The following ROBO2 variants were observed in gnomAD, a reference collection of about 807,000 sequenced individuals.
ROBO2 encodes the protein roundabout homolog 2.
ROBO2 carries 53 observed loss-of-function variants against 160.8 expected under a neutral mutation model. That is an observed-to-expected ratio of 0.33 (90% CI 0.26 to 0.41). The LOEUF (loss-of-function observed/expected upper bound fraction) is 0.41, where lower values mean the gene tolerates loss of function less well. Among genes scored for constraint, ROBO2 ranks in the 10% least tolerant of loss-of-function variants. The pLI is 1.00. For missense variants in ROBO2, 1,577 were observed against 1,722.4 expected, an observed-to-expected ratio of 0.92 and a Z score of 1.49; for synonymous variants, 664 against 611.7, an observed-to-expected ratio of 1.09 and a Z score of -1.26.
chr3:77,275,060 T>A (rs2059742297), intron 2 of ROBO2, among the ~76,000 whole-genome samples: 1 of 152,140 alleles, frequency 6.6e-6, no homozygotes, highest in Admixed American at 6.6e-5. Context: ...GAGAAATAAC[T>A]GCATCATTTG....
chr3:76,627,383 C>A (rs1282303396), intron 2 of ROBO2, among the ~76,000 whole-genome samples: 1 of 152,120 alleles, frequency 6.6e-6, no homozygotes, highest in Admixed American at 6.5e-5. Context: ...GCCAGAGAAT[C>A]CCGCATATTC....
intron 2 of ROBO2, among the ~76,000 whole-genome samples, chr3:76,732,209 GTGTT>G (rs1258745231): frequency 5.9e-5 from 9 of 152,102 alleles, no homozygotes; most frequent in Admixed American, 1.3e-4. Flanking sequence ...GTAAAGGAGA[GTGTT>G]TGGTAGAAAA....
At chr3:76,432,950 C>T (rs2076503945) in intron 2 of ROBO2, among the ~76,000 whole-genome samples, 2 of 151,986 alleles carry the variant, frequency 1.3e-5, no homozygotes, top group Admixed American at 6.6e-5. Flanking sequence ...GGAGGAGACT[C>T]ACTCACTCCA....
intron 2 of ROBO2, among the ~76,000 whole-genome samples, chr3:76,938,812 A>C (rs1369843019): frequency 1.3e-5 from 2 of 152,042 alleles, no homozygotes; most frequent in Non-Finnish European, 2.9e-5. Context: ...TCTACTAAAA[A>C]CACAAAAAAT....
chr3:76,017,358 A>T (rs1273034704), intron 2 of ROBO2, among the ~76,000 whole-genome samples: 4 of 152,122 alleles, frequency 2.6e-5, no homozygotes, highest in Non-Finnish European at 4.4e-5. Context: ...TATATTGAAT[A>T]TATAGGTTGT....
At chr3:77,393,404 A>G (rs1421503966) in intron 2 of ROBO2, among the ~76,000 whole-genome samples, 8 of 152,170 alleles carry the variant, frequency 5.3e-5, no homozygotes, top group Admixed American at 2.6e-4. Flanking sequence ...ACAAAGCATC[A>G]TAAGTATAAA....
intron 1 of ROBO2, among the ~76,000 whole-genome samples, chr3:77,082,217 G>A (rs1170061121): frequency 2.0e-5 from 3 of 152,174 alleles, no homozygotes; most frequent in Non-Finnish European, 4.4e-5. Flanking sequence ...GCTAACATTT[G>A]TTATTGCTAT....
At chr3:76,845,338 T>C (rs978477269) in intron 2 of ROBO2, among the ~76,000 whole-genome samples, 1 of 152,014 alleles carries the variant, frequency 6.6e-6, no homozygotes, top group Non-Finnish European at 1.5e-5. Flanking sequence ...ATATCTGTGA[T>C]TTGAAAGACT....
chr3:76,856,855 G>A (rs1375789061), intron 2 of ROBO2, among the ~76,000 whole-genome samples: 1 of 152,188 alleles, frequency 6.6e-6, no homozygotes, highest in Non-Finnish European at 1.5e-5. Flanking sequence ...TGTGGGGAGA[G>A]GCTGGGGTTT....
At chr3:76,841,236 A>G (rs185850195) in intron 2 of ROBO2, among the ~76,000 whole-genome samples, 11 of 152,316 alleles carry the variant, frequency 7.2e-5, no homozygotes, top group Admixed American at 7.2e-4. Context: ...ATGTGGGGCT[A>G]ACATTATGGA....
intron 2 of ROBO2, among the ~76,000 whole-genome samples, chr3:76,862,887 G>T (rs557647421): frequency 4.6e-5 from 7 of 151,948 alleles, no homozygotes; most frequent in Non-Finnish European, 1.0e-4. Context: ...CAATTTTCAC[G>T]TCTCTTTTCT....
Position 77,493,432 on chromosome 3 carries a change from A to G in ROBO2, c.806+50A>G, listed in dbSNP as rs747570808. The G allele has an allele frequency of 1.9e-6, 3 of 1,592,864 alleles. No homozygotes were observed. The South Asian group carries it at 3.3e-5, about 18-fold the overall frequency. ...ATTGTTAGATAACCAATGAATAATTAGAAAATAAAAGGACAGCTACAATGC... is the reference window on the plus strand; with the variant it reads ...ATTGTTAGATAACCAATGAATAATTGGAAAATAAAAGGACAGCTACAATGC... On this transcript the variant is annotated intron_variant, in intron 5 of 25. Coordinates refer to ENST00000461745, the Ensembl canonical transcript of ROBO2.
intron 2 of ROBO2, among the ~76,000 whole-genome samples, chr3:76,652,485 T>A (rs1254239871): frequency 6.6e-6 from 1 of 152,114 alleles, no homozygotes; most frequent in Admixed American, 6.6e-5. Flanking sequence ...CTGTCCTCTT[T>A]ACCTTTGTGC....
intron 2 of ROBO2, among the ~76,000 whole-genome samples, chr3:76,379,512 T>C (rs1163148049): frequency 6.6e-6 from 1 of 152,192 alleles, no homozygotes; most frequent in Non-Finnish European, 1.5e-5. Flanking sequence ...GCTTGTAGTG[T>C]CTCTGACACA....
At chr3:76,511,288 C>T (rs2081072990) in intron 2 of ROBO2, among the ~76,000 whole-genome samples, 1 of 152,120 alleles carries the variant, frequency 6.6e-6, no homozygotes, top group Non-Finnish European at 1.5e-5. Context: ...GAATTTCTTT[C>T]CAGTTCATTG....
chr3:77,522,959 T>C, intron 6 of ROBO2, 57 bp downstream of exon 6: 1 of 1,595,496 alleles, frequency 6.3e-7, no homozygotes, highest in East Asian at 2.2e-5. Flanking sequence ...TTTGGTTAAA[T>C]TGGTAAGTGA....
chr3:76,835,797 GT>G (rs1193907515), intron 2 of ROBO2, among the ~76,000 whole-genome samples: 1 of 151,754 alleles, frequency 6.6e-6, no homozygotes, highest in Non-Finnish European at 1.5e-5. Context: ...AAAATTTATG[GT>G]TCCTAGAGAA....
At chr3:76,328,367 C>T (rs2107986002) in intron 2 of ROBO2, among the ~76,000 whole-genome samples, 1 of 152,300 alleles carries the variant, frequency 6.6e-6, no homozygotes, top group Admixed American at 6.5e-5. Flanking sequence ...AACAATTCAA[C>T]GTTAGGTACT....
chr3:76,981,241 T>A (rs1193024921), intron 2 of ROBO2, among the ~76,000 whole-genome samples: 2 of 152,224 alleles, frequency 1.3e-5, no homozygotes, highest in African/African-American at 4.8e-5. Flanking sequence ...ACTATATGTT[T>A]TAATCTTTTG....
Sources: gnomAD v4.1 joint callset for allele counts (sites outside exome capture counted in the v4.1 genomes callset) on GRCh38, gnomAD v4.1.1 for gene constraint, MANE v1.5 for transcripts, NCBI Gene and HGNC (gene_info 2026-07-23, HGNC 2026-07-21) for gene names.